Variants in BICD1 observed in about 807,000 individuals in gnomAD.
The protein encoded by BICD1 is protein bicaudal D homolog 1.
Under a neutral mutation model 92.5 loss-of-function variants are expected in BICD1, and 35 were observed. The ratio of observed to expected loss-of-function variants is 0.38; its 90% CI spans 0.29 to 0.50. The LOEUF is 0.50. Ranked by LOEUF, BICD1 falls within the 20% of genes least tolerant of loss-of-function variation. BICD1 has a pLI of 0.93. For synonymous variants in BICD1, 429 were observed against 465.1 expected, an observed-to-expected ratio of 0.92 and a Z score of 1.00; for missense variants, 950 against 1,189.8, an observed-to-expected ratio of 0.80 and a Z score of 2.97.
At chr12:32,162,273 A>G (rs946222333) in intron 1 of BICD1, among the ~76,000 whole-genome samples, 1 of 152,262 alleles carries the variant, frequency 6.6e-6, no homozygotes, top group African/African-American at 2.4e-5. Flanking sequence ...GCTTACAGAA[A>G]GAAGTTGGAA....
At chr12:32,305,259 T>C (rs552659601) in intron 3 of BICD1, among the ~76,000 whole-genome samples, 2 of 152,270 alleles carry the variant, frequency 1.3e-5, no homozygotes, top group South Asian at 4.1e-4. Flanking sequence ...AACAAAGTAA[T>C]GGTGATGATA....
intron 1 of BICD1, among the ~76,000 whole-genome samples, chr12:32,130,261 C>A (rs967418508): frequency 6.6e-6 from 1 of 151,128 alleles, no homozygotes; most frequent in Non-Finnish European, 1.5e-5. Context: ...CTGGAGTGCA[C>A]TGGGCAATCT....
intron 4 of BICD1, among the ~76,000 whole-genome samples, chr12:32,314,458 C>A (rs1424923292): frequency 6.6e-6 from 1 of 152,214 alleles, no homozygotes; most frequent in Non-Finnish European, 1.5e-5. Context: ...CCTTTTCAAT[C>A]ATAGCCATCC....
rs201527559 is a variant in BICD1 at position 32,377,763 on chromosome 12, G to A, written c.*136G>A. On this transcript the variant is annotated 3_prime_UTR_variant, in exon 10 of 10. Coordinates refer to ENST00000652176, the MANE Select transcript of BICD1 (RefSeq NM_001714.4). ...ATTAATGTCCATCGTTTTGGAAGACGAGAGAAAGTTGAGAAGAACACGAAG... is the reference window on the plus strand; with the variant it reads ...ATTAATGTCCATCGTTTTGGAAGACAAGAGAAAGTTGAGAAGAACACGAAG... The A allele has an allele frequency of 9.6e-5, 73 of 762,920 alleles. No homozygotes were observed. Among genetic ancestry groups the A allele is most frequent in the African/African-American group, 6.3e-4 (36 of 57,428 alleles). 47.3% of individuals were successfully genotyped at this position (762,920 alleles called of 1,614,324 possible). A position where few individuals can be genotyped will look rare whatever the true frequency, so the allele number is the denominator to read the frequency against.
intron 9 of BICD1, among the ~76,000 whole-genome samples, chr12:32,371,371 T>C (rs1384910654): frequency 6.6e-6 from 1 of 152,218 alleles, no homozygotes; most frequent in Non-Finnish European, 1.5e-5. Flanking sequence ...CACTGCCAAA[T>C]GGGTCAATGT....
rs1226818577 is a variant in BICD1, at chr12:32,144,342, A to G, written c.213+36798A>G. On this transcript the variant is annotated intron_variant, in intron 1 of 9. Coordinates refer to ENST00000652176, the MANE Select transcript of BICD1 (RefSeq NM_001714.4). ...TTAAATTATTCTTTCCAGGGTGAATATTAGCATATCACAATAGGACAGTAG... is the reference window on the plus strand; with the variant it reads ...TTAAATTATTCTTTCCAGGGTGAATGTTAGCATATCACAATAGGACAGTAG... Among the ~76,000 whole-genome samples, 4 of 152,298 alleles carry G rather than the reference A, an allele frequency of 2.6e-5. No homozygotes were observed. In the East Asian group the frequency reaches 7.7e-4, roughly 29 times the overall value.
intron 1 of BICD1, among the ~76,000 whole-genome samples, chr12:32,193,862 A>G (rs1431665719): frequency 6.6e-6 from 1 of 152,228 alleles, no homozygotes; most frequent in Non-Finnish European, 1.5e-5. Flanking sequence ...TTATGAGGCC[A>G]GCAACACCCT....
chr12:32,112,604 T>C (rs1144719), intron 1 of BICD1, among the ~76,000 whole-genome samples: 41,573 of 152,020 alleles, frequency 0.27, 6,005 homozygotes, highest in Admixed American at 0.43. Flanking sequence ...CCTGTAATTA[T>C]GGCTTTGAGG....
chr12:32,211,298 A>G lies in BICD1; in HGVS notation c.214-4949A>G, dbSNP rs80199731. Among the ~76,000 whole-genome samples the G allele has an allele frequency of 5.2e-3, 795 of 152,366 alleles. 5 individuals are homozygous for G. The highest frequency in any genetic ancestry group is 0.018 in the African/African-American group (761 of 41,578). ...GGTCCAGTGAAGGGCCAAGTTCTTC[A>G]TAAATATCATGGCTAATTTTGGAAA... On this transcript the variant is annotated intron_variant, in intron 1 of 9. Coordinates refer to ENST00000652176, the MANE Select transcript of BICD1 (RefSeq NM_001714.4).
At chr12:32,277,787 C>T (rs958373313) in intron 2 of BICD1, among the ~76,000 whole-genome samples, 3 of 152,202 alleles carry the variant, frequency 2.0e-5, no homozygotes, top group Non-Finnish European at 4.4e-5. Context: ...CCTTTCCTTT[C>T]GGATGATGCT....
intron 1 of BICD1, among the ~76,000 whole-genome samples, chr12:32,157,689 T>C (rs1943480723): frequency 6.6e-6 from 1 of 152,242 alleles, no homozygotes; most frequent in Non-Finnish European, 1.5e-5. Context: ...GCATGACAGC[T>C]GGTTTCCTAC....
In BICD1 at chr12:32,117,743, T is replaced by C. The variant is rs1289726484; in HGVS notation, c.213+10199T>C. ...ACACACACACACACACACATATATA[T>C]ATATATATATATATATTTTTTTTTA... On this transcript the variant is annotated intron_variant, in intron 1 of 9. Transcript: ENST00000652176. Among the ~76,000 whole-genome samples the C allele has an allele frequency of 6.9e-3, 654 of 94,554 alleles. 2 individuals carry two copies. The highest frequency in any genetic ancestry group is 0.017 in the Middle Eastern group (2 of 120). The allele number at this position is 94,554 out of a possible 152,430, so 62.0% of individuals were successfully genotyped here. A position where few individuals can be genotyped will look rare whatever the true frequency, so the allele number is the denominator to read the frequency against.
chr12:32,203,760 T>G (rs1944972610), intron 1 of BICD1, among the ~76,000 whole-genome samples: 1 of 152,158 alleles, frequency 6.6e-6, no homozygotes, highest in Non-Finnish European at 1.5e-5. Context: ...ATATCTCATT[T>G]GCCAGCTCTC....
At chr12:32,219,655 A>G (rs1945456690) in intron 2 of BICD1, among the ~76,000 whole-genome samples, 1 of 152,172 alleles carries the variant, frequency 6.6e-6, no homozygotes, top group Non-Finnish European at 1.5e-5. Flanking sequence ...CTCTTGTGAT[A>G]TGAATCAGGC....
At chr12:32,347,203 A>G (rs948167237) in intron 8 of BICD1, among the ~76,000 whole-genome samples, 3 of 151,606 alleles carry the variant, frequency 2.0e-5, no homozygotes, top group Non-Finnish European at 4.4e-5. Flanking sequence ...CTCCTGCCTC[A>G]GCCTTCCAAA....
intron 1 of BICD1, among the ~76,000 whole-genome samples, chr12:32,214,719 T>G (rs1226356408): frequency 1.3e-5 from 2 of 152,190 alleles, no homozygotes; most frequent in Non-Finnish European, 2.9e-5. Context: ...TCTTTAGTCT[T>G]AAGGTATATA....
At chr12:32,289,920 A>G (rs889095318) in intron 2 of BICD1, among the ~76,000 whole-genome samples, 10 of 152,350 alleles carry the variant, frequency 6.6e-5, no homozygotes, top group East Asian at 1.9e-4. Context: ...GAAGACTTCT[A>G]TGTTGACACT....
chr12:32,164,948 T>G (rs915752109), intron 1 of BICD1, among the ~76,000 whole-genome samples: 2 of 152,184 alleles, frequency 1.3e-5, no homozygotes, highest in African/African-American at 4.8e-5. Flanking sequence ...GTGAAGTGGC[T>G]CATCTGGGGT....
rs1002929409 is a variant in BICD1 at position 32,379,604 on chromosome 12, T to C, written c.*1977T>C. On this transcript the variant is annotated 3_prime_UTR_variant, in exon 10 of 10. Coordinates refer to ENST00000652176, the MANE Select transcript of BICD1 (RefSeq NM_001714.4). ...TGCCTAGTACCAGTATTAGTGAGAC[T>C]GTGGATTTTATCAGAGTTCAATGAA... is the stretch of plus-strand genomic sequence containing the variant. The C allele has an allele frequency of 7.2e-5, 11 of 152,204 alleles. No homozygotes were observed. Among genetic ancestry groups the C allele is most frequent in the African/African-American group, 2.7e-4 (11 of 41,444 alleles). The allele number at this position is 152,204 out of a possible 1,614,324, so 9.4% of individuals were successfully genotyped here. A position where few individuals can be genotyped will look rare whatever the true frequency, so the allele number is the denominator to read the frequency against.
Sources: allele counts gnomAD v4.1 joint callset (sites outside exome capture counted in the v4.1 genomes callset), GRCh38; gene constraint gnomAD v4.1.1; transcripts MANE v1.5; gene names NCBI Gene and HGNC (gene_info 2026-07-23, HGNC 2026-07-21).